PDE10A: variants seen among roughly 807,000 people sequenced by gnomAD.
PDE10A encodes the protein cAMP and cAMP-inhibited cGMP 3',5'-cyclic phosphodiesterase 10A.
PDE10A carries 39 observed loss-of-function variants against 97.7 expected under a neutral mutation model. That is an observed-to-expected ratio of 0.40 (90% CI 0.31 to 0.52). The LOEUF (loss-of-function observed/expected upper bound fraction) is 0.52. Among genes scored for constraint, PDE10A ranks in the 20% least tolerant of loss-of-function variants. The pLI is 0.56. For synonymous variants in PDE10A, 371 were observed against 376.8 expected (o/e 0.98, Z 0.18); for missense variants, 731 against 1,047.8 (o/e 0.70, Z 4.17).
At chr6:165,560,652 C>T (rs937938905) in intron 1 of PDE10A, among the ~76,000 whole-genome samples, 8 of 152,150 alleles carry the variant, frequency 5.3e-5, no homozygotes, top group African/African-American at 1.9e-4. Context: ...TAAAAAGAAA[C>T]GTATTTTCCA....
intron 1 of PDE10A, among the ~76,000 whole-genome samples, chr6:165,637,552 T>C (rs944369803): frequency 2.6e-5 from 4 of 152,202 alleles, no homozygotes; most frequent in African/African-American, 7.2e-5. Flanking sequence ...ATTCATTCCA[T>C]ACATTCTGGA....
chr6:165,491,885 AC>A (rs371773473), intron 2 of PDE10A, among the ~76,000 whole-genome samples: 21 of 152,090 alleles, frequency 1.4e-4, no homozygotes, highest in African/African-American at 4.1e-4. Context: ...TGAAATCGAA[AC>A]AAAAAAACAA....
chr6:165,740,353 T>C (rs1583020974), intron 1 of PDE10A, among the ~76,000 whole-genome samples: 1 of 147,304 alleles, frequency 6.8e-6, no homozygotes, highest in African/African-American at 2.5e-5. Flanking sequence ...AGAGGAGAGA[T>C]GGAGTTTCAC....
At chr6:165,948,774 A>G (rs937043625) in intron 1 of PDE10A, 4 of 152,540 alleles carry the variant, frequency 2.6e-5, no homozygotes, top group African/African-American at 9.6e-5. Context: ...AGCAAGCTGC[A>G]GAGGGGACTT....
chr6:165,712,649 T>A (rs1791926158), intron 1 of PDE10A, among the ~76,000 whole-genome samples: 1 of 142,682 alleles, frequency 7.0e-6, no homozygotes, highest in Non-Finnish European at 1.5e-5. Flanking sequence ...TTTTTTTTTT[T>A]TTTTTTTTGA....
intron 3 of PDE10A, among the ~76,000 whole-genome samples, chr6:165,450,570 A>G (rs903541202): frequency 2.0e-5 from 3 of 151,950 alleles, no homozygotes; most frequent in African/African-American, 7.3e-5. Context: ...TTATTTATTT[A>G]TTTATTTTGA....
intron 1 of PDE10A, chr6:165,949,456 T>G (rs300100): frequency 0.28 from 41,983 of 151,654 alleles, 6,866 homozygotes; most frequent in African/African-American, 0.44. Flanking sequence ...GCAGAACTTA[T>G]GAAGTGCCAC....
intron 13 of PDE10A, among the ~76,000 whole-genome samples, chr6:165,404,913 T>C (rs181916917): frequency 3.9e-4 from 59 of 152,082 alleles, no homozygotes; most frequent in African/African-American, 1.1e-3. Flanking sequence ...CTCAGTAGAG[T>C]TGTATCTTTG....
intron 1 of PDE10A, among the ~76,000 whole-genome samples, chr6:165,907,693 G>A (rs902338965): frequency 9.2e-5 from 14 of 152,224 alleles, no homozygotes; most frequent in African/African-American, 3.4e-4. Flanking sequence ...CCCTGCAGGA[G>A]GAGCGGATGC....
upstream of PDE10A, among the ~76,000 whole-genome samples, chr6:165,663,665 C>T (rs940754027): frequency 1.3e-5 from 2 of 152,202 alleles, no homozygotes; most frequent in African/African-American, 4.8e-5. Context: ...GTTTGAAATA[C>T]GGTTCCTCCC....
At chr6:165,634,361 G>C (rs1788777377) in intron 1 of PDE10A, among the ~76,000 whole-genome samples, 2 of 152,082 alleles carry the variant, frequency 1.3e-5, no homozygotes, top group Non-Finnish European at 2.9e-5. Context: ...GGGCTTTCTA[G>C]GAGAAACCTC....
intron 1 of PDE10A, among the ~76,000 whole-genome samples, chr6:165,885,368 C>A (rs1048213294): frequency 6.6e-6 from 1 of 152,148 alleles, no homozygotes; most frequent in African/African-American, 2.4e-5. Flanking sequence ...AGAAGCGCCA[C>A]ACTTTAAAAC....
chr6:165,727,185 C>G (rs1399561150), intron 1 of PDE10A, among the ~76,000 whole-genome samples: 1 of 152,212 alleles, frequency 6.6e-6, no homozygotes, highest in Non-Finnish European at 1.5e-5. Context: ...ACAGCAGCAG[C>G]GACCACACGT....
chr6:165,568,835 A>C (rs1026360024), intron 1 of PDE10A, among the ~76,000 whole-genome samples: 1 of 152,242 alleles, frequency 6.6e-6, no homozygotes, highest in African/African-American at 2.4e-5. Context: ...AGAAGGAAAG[A>C]GAAATTTATG....
intron 1 of PDE10A, among the ~76,000 whole-genome samples, chr6:165,564,007 C>G (rs1010876527): frequency 1.3e-5 from 2 of 152,070 alleles, no homozygotes; most frequent in Non-Finnish European, 2.9e-5. Flanking sequence ...TCCCACTGAT[C>G]ATAGTATTCA....
chr6:165,371,836 C>T (rs1380155463), intron 18 of PDE10A, among the ~76,000 whole-genome samples: 1 of 152,096 alleles, frequency 6.6e-6, no homozygotes, highest in Admixed American at 6.5e-5. Flanking sequence ...CAATAAAATA[C>T]TGGCAAACCA....
At chr6:165,791,546 C>T (rs1322465468) in intron 1 of PDE10A, among the ~76,000 whole-genome samples, 2 of 152,154 alleles carry the variant, frequency 1.3e-5, no homozygotes, top group Non-Finnish European at 2.9e-5. Context: ...CCAACCTCCC[C>T]GATTTCTGTC....
At chr6:165,842,248 C>T (rs776304887) in intron 1 of PDE10A, among the ~76,000 whole-genome samples, 16 of 151,920 alleles carry the variant, frequency 1.1e-4, no homozygotes, top group East Asian at 1.9e-4. Flanking sequence ...AGACAAAAGC[C>T]GGGTAATTCA....
intron 10 of PDE10A, among the ~76,000 whole-genome samples, chr6:165,426,647 G>A (rs954940540): frequency 6.6e-6 from 1 of 152,132 alleles, no homozygotes; most frequent in East Asian, 1.9e-4. Flanking sequence ...AAAATCTTTT[G>A]TGCCTCAAAT....
Sources: gnomAD v4.1 joint callset for allele counts (sites outside exome capture counted in the v4.1 genomes callset) on GRCh38, gnomAD v4.1.1 for gene constraint, MANE v1.5 for transcripts, NCBI Gene and HGNC (gene_info 2026-07-23, HGNC 2026-07-21) for gene names.